Variants in DNAH17 observed in about 807,000 individuals in gnomAD.
The protein encoded by DNAH17 is dynein axonemal heavy chain 17.
In DNAH17, 376 loss-of-function variants were observed where a neutral mutation model predicts 485.6. The observed-to-expected ratio is 0.77, with a 90% CI of 0.71 to 0.84. DNAH17 has a LOEUF of 0.84. DNAH17 is among the 40% of genes least tolerant of loss of function. The pLI, the probability that DNAH17 is intolerant of heterozygous loss-of-function variation, is 0.00. For synonymous variants in DNAH17, 3,031 were observed against 2,405.9 expected (o/e 1.26, Z -7.60); for missense variants, 6,370 against 5,839.3 (o/e 1.09, Z -2.96).
At chr17:78,424,191 C>T in intron 80 of DNAH17, 38 bp from the exon 81 acceptor site, 9 of 1,576,738 alleles carry the variant, frequency 5.7e-6, no homozygotes, top group Middle Eastern at 1.7e-4. Context: ...GGTGTGCTGC[C>T]AGTAAGTGAG....
At chr17:78,475,054 G>A (rs58470902) in intron 54 of DNAH17, among the ~76,000 whole-genome samples, 15,445 of 144,894 alleles carry the variant, frequency 0.11, 825 homozygotes, top group East Asian at 0.18. Context: ...TCAGTCACAC[G>A]GGCTGGAAGG....
chr17:78,493,623 G>A (rs1031390600), intron 41 of DNAH17, among the ~76,000 whole-genome samples: 11 of 152,350 alleles, frequency 7.2e-5, no homozygotes, highest in African/African-American at 2.4e-4. Flanking sequence ...GCCTCTGGCC[G>A]GACACTTGGC....
rs2090000648 is a variant in DNAH17 at position 78,494,665 on chromosome 17, T to TACGG, written c.6194_6197dup (p.Phe2067ArgfsTer24). On this transcript the variant is annotated frameshift_variant, in exon 40 of 81. Transcript: ENST00000389840. LOFTEE classifies it high-confidence loss of function. Reference sequence around the variant, plus strand: ...AGAGGTCCCCGATCAGTCCCATGAATACGGGCAGGTCGTCTGTCACAATCT... The same window carrying TACGG: ...AGAGGTCCCCGATCAGTCCCATGAATACGGACGGGCAGGTCGTCTGTCACAATCT... 1 of 1,613,824 alleles carries TACGG rather than the reference T, an allele frequency of 6.2e-7. No homozygotes were observed. The highest frequency in any genetic ancestry group is 1.7e-5 in the Admixed American group (1 of 60,008).
At chr17:78,536,066 G>A (rs756860491) in intron 19 of DNAH17, among the ~76,000 whole-genome samples, 5 of 152,062 alleles carry the variant, frequency 3.3e-5, no homozygotes, top group South Asian at 4.1e-4. Context: ...TGTTTGATGC[G>A]TTTAGACGAG....
chr17:78,536,801 A>T (rs370065186), intron 19 of DNAH17, among the ~76,000 whole-genome samples: 73 of 152,268 alleles, frequency 4.8e-4, no homozygotes, highest in Non-Finnish European at 7.9e-4. Context: ...ACTGAGAAGA[A>T]GCTGCTTTGG....
At chr17:78,483,958 T>C (rs963792157) in intron 48 of DNAH17, among the ~76,000 whole-genome samples, 12 of 151,672 alleles carry the variant, frequency 7.9e-5, no homozygotes, top group African/African-American at 2.9e-4. Context: ...TTAGCCGGCG[T>C]GGTGGTGGGC....
At chr17:78,562,265 G>T (rs1419642545) in intron 11 of DNAH17, among the ~76,000 whole-genome samples, 2 of 152,086 alleles carry the variant, frequency 1.3e-5, no homozygotes, top group Non-Finnish European at 2.9e-5. Flanking sequence ...GGAAAAATCA[G>T]AATTCTGGTA....
In DNAH17 at chr17:78,468,787, C is replaced by T. The variant is rs749882385; in HGVS notation, c.8608G>A (p.Val2870Met). The change falls in exon 55 of 81, where the codon GTG (valine) becomes ATG (methionine). Residue 2870 changes from valine to methionine, a missense_variant. Val to Met is a conservative substitution (Grantham distance 21). Transcript: ENST00000389840. Reference sequence around the variant, plus strand: ...GAGGCCAGCAGGTCATTGATCAGCACCAGAAACTGCTCCTCGGCCACCTGG... The same window carrying T: ...GAGGCCAGCAGGTCATTGATCAGCATCAGAAACTGCTCCTCGGCCACCTGG... ...DSQVAEEQFL[V>M]LINDLLASGE... The T allele has an allele frequency of 1.2e-6, 2 of 1,613,912 alleles. No individual in the cohort carries two copies. The highest frequency in any genetic ancestry group is 1.3e-5 in the African/African-American group (1 of 74,936).
intron 77 of DNAH17, among the ~76,000 whole-genome samples, chr17:78,427,637 C>T (rs966259763): frequency 3.9e-5 from 6 of 152,316 alleles, no homozygotes; most frequent in Admixed American, 2.0e-4. Flanking sequence ...CCGGGAAGTC[C>T]TGTACTTAGC....
rs779845484 is a variant in DNAH17 at position 78,485,972 on chromosome 17, A to G, written c.7263T>C (p.Asp2421=). Residue 2421 remains aspartate, a synonymous_variant, in exon 46 of 81, where the codon GAT becomes GAC. Transcript: ENST00000389840. ...DKVPSFELDP[D]VPLQASLVHT... is the part of the protein sequence containing the mutation. ...TGGGGACAGTTACCTGCAGTGGGAC[A>G]TCGGGATCCAGCTCAAAGGAGGGCA... 3 of 1,612,470 alleles carry G rather than the reference A, an allele frequency of 1.9e-6. No individual in the cohort carries two copies. Among genetic ancestry groups the G allele is most frequent in the East Asian group, 4.5e-5 (2 of 44,884 alleles).
intron 27 of DNAH17, among the ~76,000 whole-genome samples, chr17:78,510,042 C>T (rs1293106416): frequency 3.3e-5 from 5 of 152,044 alleles, no homozygotes; most frequent in Non-Finnish European, 7.4e-5. Flanking sequence ...ATTAGCTGGG[C>T]GTGGTGGTGC....
At chr17:78,564,212 T>C in intron 11 of DNAH17, among the ~76,000 whole-genome samples, 1 of 152,126 alleles carries the variant, frequency 6.6e-6, no homozygotes, top group Non-Finnish European at 1.5e-5. Flanking sequence ...GATCCCCTAG[T>C]GAACCCTGGG....
At chr17:78,490,957 C>A in intron 43 of DNAH17, 110 bp from the exon 44 acceptor site, 1 of 1,336,528 alleles carries the variant, frequency 7.5e-7, no homozygotes. Context: ...AGGAGGGGCC[C>A]AGGCCAGCCC....
At chr17:78,576,794 A>C (rs551728537) in intron 1 of DNAH17, among the ~76,000 whole-genome samples, 1 of 152,316 alleles carries the variant, frequency 6.6e-6, no homozygotes, top group South Asian at 2.1e-4. Flanking sequence ...CTGCCTCCCA[A>C]GCCATAACAT....
intron 10 of DNAH17, 117 bp from the exon 11 acceptor site, chr17:78,566,847 G>T: frequency 7.7e-7 from 1 of 1,304,414 alleles, no homozygotes. Context: ...TGAATGTGCT[G>T]TTGCGGGGAC....
intron 48 of DNAH17, among the ~76,000 whole-genome samples, chr17:78,483,917 C>T (rs1405029343): frequency 2.0e-5 from 3 of 151,720 alleles, no homozygotes; most frequent in Admixed American, 2.0e-4. Context: ...GCCAACATGG[C>T]GAAACCCCTT....
At chr17:78,522,740 G>T (rs1174265669) in intron 25 of DNAH17, 2 of 211,698 alleles carry the variant, frequency 9.4e-6, no homozygotes. Context: ...GAAAGGACCA[G>T]GCAAAAACAA....
intron 56 of DNAH17, among the ~76,000 whole-genome samples, chr17:78,465,740 C>A (rs2088407696): frequency 6.7e-6 from 1 of 149,556 alleles, no homozygotes; most frequent in African/African-American, 2.5e-5. Context: ...CCGGCAGCCA[C>A]CCCGTCCGGG....
intron 13 of DNAH17, 110 bp from the exon 14 acceptor site, chr17:78,558,364 G>A: frequency 7.4e-7 from 1 of 1,344,764 alleles, no homozygotes; most frequent in Non-Finnish European, 1.0e-6. Context: ...AGCCGGGGGG[G>A]ATCTCAAAGT....
Sources: gnomAD v4.1 joint callset for allele counts (sites outside exome capture counted in the v4.1 genomes callset) on GRCh38, gnomAD v4.1.1 for gene constraint, MANE v1.5 for transcripts, NCBI Gene and HGNC (gene_info 2026-07-23, HGNC 2026-07-21) for gene names.